Variants in CHD7 observed in about 807,000 individuals in gnomAD.
CHD7 encodes ATP-dependent chromatin remodeler CHD7.
In CHD7, 24 loss-of-function variants were observed where a neutral mutation model predicts 307.3. The observed-to-expected ratio is 0.08, with a 90% CI of 0.06 to 0.11. CHD7 has a LOEUF of 0.11. Ranked by LOEUF, CHD7 falls within the 10% of genes least tolerant of loss-of-function variation. CHD7 has a pLI of 1.00. For missense variants in CHD7, 3,106 were observed against 3,727.1 expected (o/e 0.83, Z 4.34); for synonymous variants, 1,363 against 1,349.9 (o/e 1.01, Z -0.21).
intron 2 of CHD7, among the ~76,000 whole-genome samples, chr8:60,754,238 T>C (rs1204274891): frequency 6.6e-6 from 1 of 152,172 alleles, no homozygotes; most frequent in Non-Finnish European, 1.5e-5. Flanking sequence ...GAGAACTCCA[T>C]TTAAATGTGG....
intron 2 of CHD7, among the ~76,000 whole-genome samples, chr8:60,757,275 G>A (rs1425827043): frequency 6.6e-6 from 1 of 152,106 alleles, no homozygotes; most frequent in African/African-American, 2.4e-5. Flanking sequence ...CAGAGGAACT[G>A]AATTTTAAAT....
intron 2 of CHD7, among the ~76,000 whole-genome samples, chr8:60,770,936 T>G (rs1223659445): frequency 6.6e-6 from 1 of 152,148 alleles, no homozygotes; most frequent in Non-Finnish European, 1.5e-5. Context: ...TTTGAGAATG[T>G]GGGCTTTGCC....
At chr8:60,745,380 T>C (rs2150585650) in intron 2 of CHD7, among the ~76,000 whole-genome samples, 1 of 152,258 alleles carries the variant, frequency 6.6e-6, no homozygotes, top group South Asian at 2.1e-4. Context: ...TTCCTGGGTT[T>C]TAAGAGTACA....
chr8:60,860,807 TA>T, intron 34 of CHD7, 96 bp from the exon 35 acceptor site: 1 of 892,424 alleles, frequency 1.1e-6, no homozygotes, highest in Non-Finnish European at 1.7e-6. Flanking sequence ...CTCTTTTTGA[TA>T]AAAGATCCAT....
At chr8:60,834,123 C>T (rs926815589) in intron 15 of CHD7, among the ~76,000 whole-genome samples, 3 of 151,910 alleles carry the variant, frequency 2.0e-5, no homozygotes, top group African/African-American at 7.3e-5. Flanking sequence ...TTTTTTTAAT[C>T]TCTGAATAAA....
At chr8:60,736,178 G>C (rs746184742) in intron 1 of CHD7, among the ~76,000 whole-genome samples, 2 of 152,140 alleles carry the variant, frequency 1.3e-5, no homozygotes, top group Non-Finnish European at 2.9e-5. Flanking sequence ...TGGTGACTTG[G>C]GGGGCACTTC....
intron 7 of CHD7, 35 bp from the exon 8 acceptor site, chr8:60,816,352 C>G (rs1245210986): frequency 9.1e-7 from 1 of 1,104,712 alleles, no homozygotes; most frequent in South Asian, 1.4e-5. Context: ...TAATTATATT[C>G]TACATATTTC....
chr8:60,766,505 G>A (rs2150633971), intron 2 of CHD7, among the ~76,000 whole-genome samples: 1 of 152,346 alleles, frequency 6.6e-6, no homozygotes, highest in South Asian at 2.1e-4. Flanking sequence ...GGTAGGGCTA[G>A]CAACAGGAGG....
At position 60,828,578 on chromosome 8, in the gene CHD7, A is replaced by G; in HGVS notation, c.3379-85A>G. On this transcript the variant is annotated intron_variant, in intron 13 of 37. Transcript: ENST00000423902. ...CATAGGGTAGATGAGTAGGAGTAGAACAATGGGTGTCTAGTGAGAGGCTCT... is the reference window on the plus strand; with the variant it reads ...CATAGGGTAGATGAGTAGGAGTAGAGCAATGGGTGTCTAGTGAGAGGCTCT... 3.1e-6 allele frequency: 4 copies of G among 1,294,990 alleles called. No individual in the cohort carries two copies. The South Asian group carries it at 6.0e-5, about 19-fold the overall frequency. 80.2% of individuals were successfully genotyped at this position (1,294,990 alleles called of 1,614,324 possible). A position where few individuals can be genotyped will look rare whatever the true frequency, so the allele number is the denominator to read the frequency against.
chr8:60,753,741 C>A (rs1809754187), intron 2 of CHD7, among the ~76,000 whole-genome samples: 1 of 151,688 alleles, frequency 6.6e-6, no homozygotes, highest in Non-Finnish European at 1.5e-5. Flanking sequence ...CCTCCCACCT[C>A]ATCCTCCAGA....
At position 60,766,807 on chromosome 8, in the gene CHD7, A is replaced by G. The variant is rs374937202; in HGVS notation, c.1666-14193A>G. On this transcript the variant is annotated intron_variant, in intron 2 of 37. Coordinates refer to ENST00000423902, the MANE Select transcript of CHD7 (RefSeq NM_017780.4). ...CCTGCTGGGATATCTGCATGGGTATATGGACTATACAGCTGAATAGAGAAG... is the reference window on the plus strand; with the variant it reads ...CCTGCTGGGATATCTGCATGGGTATGTGGACTATACAGCTGAATAGAGAAG... Among the ~76,000 whole-genome samples the G allele has an allele frequency of 1.7e-3, 258 of 152,310 alleles. 4 individuals are homozygous for G. The highest frequency in any genetic ancestry group is 5.9e-3 in the African/African-American group (244 of 41,560).
At chr8:60,699,569 C>T in intron 1 of CHD7, among the ~76,000 whole-genome samples, 1 of 151,880 alleles carries the variant, frequency 6.6e-6, no homozygotes, top group East Asian at 1.9e-4. Flanking sequence ...CTGGAGCCAG[C>T]TCTGTCTGTC....
chr8:60,842,976 C>T (rs1405475943), intron 21 of CHD7, among the ~76,000 whole-genome samples: 3 of 152,180 alleles, frequency 2.0e-5, no homozygotes, highest in East Asian at 3.8e-4. Context: ...CCCACTTGCA[C>T]CTCCGCTGGG....
intron 32 of CHD7, among the ~76,000 whole-genome samples, 185 bp from the exon 33 acceptor site, chr8:60,855,790 G>A (rs1805671057): frequency 6.6e-6 from 1 of 152,232 alleles, no homozygotes; most frequent in South Asian, 2.1e-4. Flanking sequence ...CCAGAGCAAT[G>A]CCATTATAGG....
At position 60,838,146 on chromosome 8, in the gene CHD7, A is replaced by G; in HGVS notation, c.4424A>G (p.Glu1475Gly). 1 of 1,566,882 alleles carries G rather than the reference A, an allele frequency of 6.4e-7. No homozygotes were observed. The highest frequency in any genetic ancestry group is 8.7e-7 in the Non-Finnish European group (1 of 1,155,044). ...GGGGCCTATGGTGCACTCATGGATG[A>G]GGAGGATGAAGGGTCTAAATTCTGT... ...RKGAYGALMD[E>G]EDEGSKFCEE... The change falls in exon 19 of 38, where the codon GAG becomes GGG. Residue 1475 changes from glutamate (E) to glycine (G), a missense_variant. Glu to Gly is a moderately conservative substitution (Grantham distance 98). Coordinates refer to ENST00000423902, the MANE Select transcript of CHD7 (RefSeq NM_017780.4).
intron 1 of CHD7, among the ~76,000 whole-genome samples, chr8:60,691,744 T>C (rs2150489773): frequency 6.6e-6 from 1 of 152,350 alleles, no homozygotes; most frequent in East Asian, 1.9e-4. Flanking sequence ...TAAGGAAGAT[T>C]AGAATAGTGA....
intron 2 of CHD7, among the ~76,000 whole-genome samples, chr8:60,749,480 G>A (rs994326693): frequency 7.3e-5 from 11 of 149,874 alleles, no homozygotes; most frequent in African/African-American, 2.4e-4. Context: ...TAAGGATTAC[G>A]TATGCAGGTT....
At chr8:60,790,001 G>A (rs1811693183) in intron 3 of CHD7, among the ~76,000 whole-genome samples, 1 of 152,170 alleles carries the variant, frequency 6.6e-6, no homozygotes, top group South Asian at 2.1e-4. Flanking sequence ...CTTAGCTATG[G>A]ACCCTGAGCA....
intron 1 of CHD7, among the ~76,000 whole-genome samples, chr8:60,714,680 C>T (rs1380456828): frequency 1.6e-4 from 24 of 152,138 alleles, no homozygotes; most frequent in Admixed American, 1.6e-3. Flanking sequence ...CCCTTCTTGC[C>T]ACCTGCCCTC....
Sources: gnomAD v4.1 joint callset for allele counts (sites outside exome capture counted in the v4.1 genomes callset) on GRCh38, gnomAD v4.1.1 for gene constraint, MANE v1.5 for transcripts, NCBI Gene and HGNC (gene_info 2026-07-23, HGNC 2026-07-21) for gene names.